NOL4L: variants seen among roughly 807,000 people sequenced by gnomAD.
NOL4L encodes the protein nucleolar protein 4 like, also known as nucleolar protein 4-like.
In NOL4L, 7 loss-of-function variants were observed where a neutral mutation model predicts 64.5. The observed-to-expected ratio is 0.11, with a 90% CI of 0.06 to 0.20. The LOEUF is 0.20. NOL4L is among the 10% of genes least tolerant of loss of function. NOL4L has a pLI of 1.00. For missense variants in NOL4L, 680 were observed against 967.1 expected (o/e 0.70, Z 3.94); for synonymous variants, 413 against 401.0 (o/e 1.03, Z -0.36).
intron 4 of NOL4L, among the ~76,000 whole-genome samples, chr20:32,488,826 T>C (rs1192575209): frequency 2.8e-4 from 4 of 14,530 alleles, no homozygotes; most frequent in Non-Finnish European, 5.2e-4. Flanking sequence ...TCTTTCTTTC[T>C]TTTTCTTTCT....
At chr20:32,573,022 T>C (rs145676291) in intron 1 of NOL4L, among the ~76,000 whole-genome samples, 3 of 150,058 alleles carry the variant, frequency 2.0e-5, no homozygotes, top group African/African-American at 7.4e-5. Flanking sequence ...AGATAGGTCA[T>C]ACTATCGCAT....
At chr20:32,572,746 T>C (rs1979831779) in intron 1 of NOL4L, among the ~76,000 whole-genome samples, 1 of 152,112 alleles carries the variant, frequency 6.6e-6, no homozygotes, top group African/African-American at 2.4e-5. Context: ...TGGGGCCCTG[T>C]CAATCCTGGA....
chr20:32,568,058 TCAC>T, intron 1 of NOL4L, among the ~76,000 whole-genome samples: 1 of 151,674 alleles, frequency 6.6e-6, no homozygotes. Flanking sequence ...GTCACCATCA[TCAC>T]CATCATCACC....
intron 4 of NOL4L, among the ~76,000 whole-genome samples, chr20:32,504,433 G>A (rs933167046): frequency 9.2e-5 from 14 of 151,810 alleles, no homozygotes; most frequent in Admixed American, 2.6e-4. Context: ...CATGGCGGGC[G>A]CCTGTAGTCC....
chr20:32,525,663 T>C (rs2018106273), intron 2 of NOL4L, among the ~76,000 whole-genome samples: 1 of 152,262 alleles, frequency 6.6e-6, no homozygotes, highest in South Asian at 2.1e-4. Flanking sequence ...AGTACAATCA[T>C]AGCTCACTGC....
chr20:32,536,619 C>T (rs1361564514), intron 1 of NOL4L, among the ~76,000 whole-genome samples: 1 of 149,202 alleles, frequency 6.7e-6, no homozygotes, highest in Non-Finnish European at 1.5e-5. Flanking sequence ...GCGGGCTCCT[C>T]GCGGGCAGGC....
rs375006018 is a variant in NOL4L at position 32,463,084 on chromosome 20, G to A, written c.842-6689C>T. On this transcript the variant is annotated intron_variant, in intron 5 of 10. Transcript: ENST00000621426. The surrounding 1 kb of genome is among the most constrained non-coding windows in gnomAD (Gnocchi z 5.8). ...CTTATCTACAGTCCTGGGAGTTGCC[G>A]CTGACGCCCTCCTGGGCTCTGGCAC... Among the ~76,000 whole-genome samples, 72 of 152,070 alleles carry A rather than the reference G, an allele frequency of 4.7e-4. No homozygotes were observed. The East Asian group carries it at 7.9e-3, about 17-fold the overall frequency.
chr20:32,449,137 G>A (rs1026408044), intron 10 of NOL4L, among the ~76,000 whole-genome samples: 6 of 152,238 alleles, frequency 3.9e-5, no homozygotes, highest in African/African-American at 1.4e-4. Flanking sequence ...AACAGCCAAA[G>A]AAGAGAGAAT....
At chr20:32,579,407 T>G (rs1600894304) in intron 1 of NOL4L, among the ~76,000 whole-genome samples, 1 of 152,334 alleles carries the variant, frequency 6.6e-6, no homozygotes, top group South Asian at 2.1e-4. Flanking sequence ...GCACAACCTC[T>G]GAGCTAAGAT....
At position 32,481,996 on chromosome 20, in the gene NOL4L, T is replaced by C. The variant is rs548521712; in HGVS notation, c.700-7254A>G. Among the ~76,000 whole-genome samples, 181 of 150,082 alleles carry C rather than the reference T, an allele frequency of 1.2e-3. 1 individual carries two copies. The highest frequency in any genetic ancestry group is 4.3e-3 in the African/African-American group (174 of 40,822). On this transcript the variant is annotated intron_variant, in intron 4 of 10. Transcript: ENST00000621426. ...GGGGGAGCAGGCTGGGGTTGCCAGC[T>C]GATTCTGGGATAAGTAGGGCTTTAT...
chr20:32,489,457 CA>C (rs1169766502), intron 4 of NOL4L, among the ~76,000 whole-genome samples: 1 of 151,936 alleles, frequency 6.6e-6, no homozygotes, highest in East Asian at 2.0e-4. Flanking sequence ...TGGACTCAAG[CA>C]ATCCTCCTGC....
chr20:32,544,697 C>T (rs2145600682), intron 1 of NOL4L, among the ~76,000 whole-genome samples: 1 of 152,242 alleles, frequency 6.6e-6, no homozygotes, highest in African/African-American at 2.4e-5. Flanking sequence ...AGCAACAAAC[C>T]ACTTTCTCAG....
chr20:32,574,109 A>G (rs1490926713), intron 1 of NOL4L, among the ~76,000 whole-genome samples: 1 of 152,210 alleles, frequency 6.6e-6, no homozygotes, highest in Non-Finnish European at 1.5e-5. Context: ...AAAGCAGGCA[A>G]GCCATTTGCC....
chr20:32,449,267 G>A (rs555189145), intron 10 of NOL4L, among the ~76,000 whole-genome samples: 2 of 152,196 alleles, frequency 1.3e-5, no homozygotes, highest in Non-Finnish European at 2.9e-5. Context: ...TATCTTCCAC[G>A]GGGGTGTGAG....
intron 3 of NOL4L, among the ~76,000 whole-genome samples, chr20:32,512,450 CCTT>C (rs1485421395): frequency 5.9e-5 from 9 of 152,188 alleles, no homozygotes; most frequent in Non-Finnish European, 1.3e-4. Flanking sequence ...TCTGGTTCCT[CCTT>C]CATCATATGC....
intron 5 of NOL4L, 91 bp downstream of exon 5, chr20:32,474,510 C>A: frequency 6.8e-7 from 1 of 1,467,522 alleles, no homozygotes; most frequent in South Asian, 1.3e-5. Context: ...ATTCCGCCAC[C>A]CTGGAGTGTG....
chr20:32,523,538 C>T (rs2018018775), intron 2 of NOL4L, among the ~76,000 whole-genome samples: 2 of 152,338 alleles, frequency 1.3e-5, no homozygotes, highest in South Asian at 4.1e-4. Flanking sequence ...ACCAGGAGGA[C>T]AATCCTAGCA....
chr20:32,485,075 A>C (rs1470493953), intron 4 of NOL4L, among the ~76,000 whole-genome samples: 1 of 147,918 alleles, frequency 6.8e-6, no homozygotes, highest in Non-Finnish European at 1.5e-5. Context: ...AAAAAAAAAA[A>C]AAAAAAAAAA....
At chr20:32,500,609 T>C (rs998546976) in intron 4 of NOL4L, among the ~76,000 whole-genome samples, 1 of 151,868 alleles carries the variant, frequency 6.6e-6, no homozygotes, top group Non-Finnish European at 1.5e-5. Flanking sequence ...TCCGATATTT[T>C]GGTTTTTAAT....
Sources: allele counts gnomAD v4.1 joint callset (sites outside exome capture counted in the v4.1 genomes callset), GRCh38; gene constraint gnomAD v4.1.1; non-coding constraint Gnocchi (gnomAD v3.1); transcripts MANE v1.5; gene names NCBI Gene and HGNC (gene_info 2026-07-23, HGNC 2026-07-21).